The following PRKAR2B variants were observed in gnomAD, a reference collection of about 807,000 sequenced individuals.
The protein encoded by PRKAR2B is cAMP-dependent protein kinase type II-beta regulatory subunit.
In PRKAR2B, 14 loss-of-function variants were observed where a neutral mutation model predicts 49.9. The observed-to-expected ratio is 0.28, with a 90% CI of 0.19 to 0.44. The LOEUF (loss-of-function observed/expected upper bound fraction) is 0.44, where lower values mean the gene tolerates loss of function less well. Ranked by LOEUF, PRKAR2B falls within the 20% of genes least tolerant of loss-of-function variation. PRKAR2B has a pLI of 1.00. For synonymous variants in PRKAR2B, 196 were observed against 197.7 expected (o/e 0.99, Z 0.07); for missense variants, 393 against 537.9 (o/e 0.73, Z 2.67).
At chr7:107,112,325 G>A (rs527692501) in intron 2 of PRKAR2B, among the ~76,000 whole-genome samples, 1 of 150,668 alleles carries the variant, frequency 6.6e-6, no homozygotes, top group Non-Finnish European at 1.5e-5. Flanking sequence ...GTCTGTTATT[G>A]TCTTTATATC....
At chr7:107,065,635 A>C (rs78798637) in intron 1 of PRKAR2B, among the ~76,000 whole-genome samples, 2 of 152,198 alleles carry the variant, frequency 1.3e-5, no homozygotes, top group Admixed American at 6.5e-5. Flanking sequence ...CTTCAAGGGC[A>C]GGGACTCTCT....
chr7:107,121,570 A>G (rs938704987), intron 2 of PRKAR2B, among the ~76,000 whole-genome samples: 4 of 152,168 alleles, frequency 2.6e-5, no homozygotes, highest in African/African-American at 9.6e-5. Context: ...GATTATGGAT[A>G]ATTTGTGAAA....
chr7:107,096,167 G>T (rs1029492550), intron 2 of PRKAR2B, among the ~76,000 whole-genome samples: 11 of 152,116 alleles, frequency 7.2e-5, no homozygotes, highest in African/African-American at 2.7e-4. Context: ...ATTAATTGTT[G>T]CCTCAATTTC....
chr7:107,060,100 C>A (rs1035533784), intron 1 of PRKAR2B, among the ~76,000 whole-genome samples: 8 of 151,696 alleles, frequency 5.3e-5, no homozygotes, highest in African/African-American at 1.9e-4. Flanking sequence ...CGTGTAAGTT[C>A]CTTTAAATTC....
chr7:107,096,694 G>T (rs936113205), intron 2 of PRKAR2B, among the ~76,000 whole-genome samples: 2 of 152,170 alleles, frequency 1.3e-5, no homozygotes, highest in Admixed American at 6.5e-5. Flanking sequence ...GTGTCCCAGA[G>T]ATTCTGGTAT....
chr7:107,057,362 CTT>C (rs879338739), intron 1 of PRKAR2B, among the ~76,000 whole-genome samples: 3 of 146,396 alleles, frequency 2.0e-5, no homozygotes, highest in Non-Finnish European at 3.0e-5. Context: ...TGATGTCATT[CTT>C]TTTTTTTTTT....
At chr7:107,105,628 C>T (rs573597818) in intron 2 of PRKAR2B, among the ~76,000 whole-genome samples, 1 of 152,148 alleles carries the variant, frequency 6.6e-6, no homozygotes, top group Non-Finnish European at 1.5e-5. Context: ...GGTAAGGTGT[C>T]ATTGGGAGCT....
At position 107,073,933 on chromosome 7, in the gene PRKAR2B, G is replaced by A. The variant is rs546284398; in HGVS notation, c.343+3617G>A. 2.0e-5 allele frequency among the ~76,000 whole-genome samples: 3 copies of A among 151,946 alleles called. No individual in the cohort carries two copies. In the South Asian group the frequency reaches 6.2e-4, roughly 32 times the overall value. ...AAAAATTAGTCAGGCATGGTGGCGC[G>A]TGCCTATAGTCCCAGTTACTCGGGA... On this transcript the variant is annotated intron_variant, in intron 2 of 10. Coordinates refer to ENST00000265717, the MANE Select transcript of PRKAR2B (RefSeq NM_002736.3).
intron 1 of PRKAR2B, among the ~76,000 whole-genome samples, chr7:107,065,313 G>GGGGTGT (rs1794112902): frequency 7.7e-6 from 1 of 130,296 alleles, no homozygotes; most frequent in African/African-American, 2.9e-5. Context: ...GTTTGCTCGG[G>GGGGTGT]GTGTGTGTAT....
chr7:107,086,224 T>A (rs565358731), intron 2 of PRKAR2B, among the ~76,000 whole-genome samples: 1 of 152,302 alleles, frequency 6.6e-6, no homozygotes, highest in East Asian at 1.9e-4. Context: ...TGAGGTTCAA[T>A]GGCTTTGAGT....
intron 2 of PRKAR2B, among the ~76,000 whole-genome samples, chr7:107,116,092 TG>T (rs1795267579): frequency 6.6e-6 from 1 of 152,230 alleles, no homozygotes; most frequent in Non-Finnish European, 1.5e-5. Context: ...ATCTGACATA[TG>T]CAGTATGCAA....
chr7:107,120,048 C>T (rs1041580004), intron 2 of PRKAR2B, among the ~76,000 whole-genome samples: 1 of 152,180 alleles, frequency 6.6e-6, no homozygotes. Flanking sequence ...TATGTATGAT[C>T]TTGGCTTTCC....
At chr7:107,067,585 A>T (rs1794178670) in intron 1 of PRKAR2B, among the ~76,000 whole-genome samples, 1 of 152,248 alleles carries the variant, frequency 6.6e-6, no homozygotes, top group Non-Finnish European at 1.5e-5. Context: ...TATAGCAAGT[A>T]AAATGTATTT....
intron 2 of PRKAR2B, among the ~76,000 whole-genome samples, chr7:107,116,792 T>A (rs1164057691): frequency 2.0e-5 from 3 of 151,638 alleles, no homozygotes; most frequent in African/African-American, 7.3e-5. Context: ...TGGGCAGAAA[T>A]GTGAATGAAC....
At chr7:107,129,336 A>G (rs1044393584) in intron 4 of PRKAR2B, among the ~76,000 whole-genome samples, 2 of 152,158 alleles carry the variant, frequency 1.3e-5, no homozygotes, top group South Asian at 2.1e-4. Flanking sequence ...TTGTATGTCC[A>G]TCTCTGAGTC....
chr7:107,057,643 A>G (rs556171876), intron 1 of PRKAR2B, among the ~76,000 whole-genome samples: 2 of 152,284 alleles, frequency 1.3e-5, no homozygotes, highest in South Asian at 4.1e-4. Context: ...TACGTATTTT[A>G]TGATGAGTGC....
intron 4 of PRKAR2B, among the ~76,000 whole-genome samples, chr7:107,130,376 C>T (rs898704064): frequency 6.6e-6 from 1 of 151,906 alleles, no homozygotes; most frequent in Non-Finnish European, 1.5e-5. Context: ...GTGGCGGGCG[C>T]CTGTAGTCCC....
At chr7:107,158,939 T>C (rs866284440) in intron 10 of PRKAR2B, among the ~76,000 whole-genome samples, 2 of 152,222 alleles carry the variant, frequency 1.3e-5, no homozygotes, top group East Asian at 1.9e-4. Flanking sequence ...CATGTACTTA[T>C]AGAAGTAAAC....
intron 5 of PRKAR2B, among the ~76,000 whole-genome samples, chr7:107,145,176 G>A (rs1392868335): frequency 1.3e-5 from 2 of 152,092 alleles, no homozygotes; most frequent in Non-Finnish European, 2.9e-5. Context: ...AATATTTTTG[G>A]CTTTGCAGGC....
Sources: gnomAD v4.1 joint callset for allele counts (sites outside exome capture counted in the v4.1 genomes callset) on GRCh38, gnomAD v4.1.1 for gene constraint, MANE v1.5 for transcripts, NCBI Gene and HGNC (gene_info 2026-07-23, HGNC 2026-07-21) for gene names.